Variants in MTA3 observed in about 807,000 individuals in gnomAD.
MTA3 encodes metastasis-associated protein MTA3.
MTA3 carries 34 observed loss-of-function variants against 83.5 expected under a neutral mutation model. That is an observed-to-expected ratio of 0.41 (90% CI 0.31 to 0.54). MTA3 has a LOEUF of 0.54. Ranked by LOEUF, MTA3 falls within the 20% of genes least tolerant of loss-of-function variation. The pLI, the probability that MTA3 is intolerant of heterozygous loss-of-function variation, is 0.33. For missense variants in MTA3, 761 were observed against 726.4 expected (o/e 1.05, Z -0.55); for synonymous variants, 303 against 252.7 (o/e 1.20, Z -1.89).
chr2:42,693,094 C>G (rs991073506), intron 9 of MTA3, among the ~76,000 whole-genome samples: 25 of 152,210 alleles, frequency 1.6e-4, no homozygotes, highest in African/African-American at 5.8e-4. Context: ...CTCCCTCTCC[C>G]TCTCCCTCTT....
At chr2:42,656,443 A>G (rs766756632) in intron 7 of MTA3, 141 bp downstream of exon 7, 2 of 448,434 alleles carry the variant, frequency 4.5e-6, no homozygotes, top group African/African-American at 2.0e-5. Flanking sequence ...AAAGCTTAAT[A>G]CGTTATGCTG....
intron 2 of MTA3, among the ~76,000 whole-genome samples, chr2:42,499,157 C>T (rs946561258): frequency 2.2e-4 from 34 of 151,732 alleles, no homozygotes; most frequent in African/African-American, 7.7e-4. Context: ...TAAGCATTTG[C>T]TAAGAGGGTA....
intron 15 of MTA3, among the ~76,000 whole-genome samples, chr2:42,722,619 C>A (rs1170163552): frequency 1.3e-5 from 2 of 152,080 alleles, no homozygotes; most frequent in Non-Finnish European, 2.9e-5. Flanking sequence ...TTGTATGTGA[C>A]CTTCTGAAGT....
intron 16 of MTA3, among the ~76,000 whole-genome samples, chr2:42,736,565 G>C (rs1668628344): frequency 6.6e-6 from 1 of 152,178 alleles, no homozygotes; most frequent in African/African-American, 2.4e-5. Flanking sequence ...TGCCAACTGG[G>C]AGCCAGGGCC....
chr2:42,528,264 A>G (rs1257159447), intron 2 of MTA3, among the ~76,000 whole-genome samples: 1 of 143,572 alleles, frequency 7.0e-6, no homozygotes, highest in Non-Finnish European at 1.5e-5. Flanking sequence ...TCTGTTGCCC[A>G]GGGTGGAGTG....
At chr2:42,590,800 T>C (rs960179178) in intron 3 of MTA3, among the ~76,000 whole-genome samples, 1 of 151,988 alleles carries the variant, frequency 6.6e-6, no homozygotes, top group Non-Finnish European at 1.5e-5. Flanking sequence ...TTTGTATTCT[T>C]AGTAGAGGCA....
At chr2:42,596,978 C>T (rs1004356984) in intron 3 of MTA3, among the ~76,000 whole-genome samples, 1 of 151,808 alleles carries the variant, frequency 6.6e-6, no homozygotes, top group Non-Finnish European at 1.5e-5. Context: ...GATCTTGGCT[C>T]ACTGCAACCT....
upstream of MTA3, chr2:42,494,182 C>G (rs924409688): frequency 6.6e-6 from 1 of 152,162 alleles, no homozygotes; most frequent in Non-Finnish European, 1.5e-5. Flanking sequence ...TCGGGCTCCC[C>G]GCCTCGTGAC....
chr2:42,751,397 A>T (rs1669861554), intron 16 of MTA3, among the ~76,000 whole-genome samples: 1 of 152,244 alleles, frequency 6.6e-6, no homozygotes. Context: ...CTGAGAATTG[A>T]TGTAGACATT....
chr2:42,513,983 G>A (rs1675019278), intron 2 of MTA3, among the ~76,000 whole-genome samples: 1 of 152,164 alleles, frequency 6.6e-6, no homozygotes, highest in Non-Finnish European at 1.5e-5. Flanking sequence ...GGAGGCCAAG[G>A]TGAATGGATC....
At chr2:42,692,758 C>A (rs1353815620) in intron 9 of MTA3, among the ~76,000 whole-genome samples, 1 of 152,192 alleles carries the variant, frequency 6.6e-6, no homozygotes, top group African/African-American at 2.4e-5. Flanking sequence ...TGAAAGGTCA[C>A]ATGTCTCTGT....
At chr2:42,743,640 G>A (rs1669197429) in intron 16 of MTA3, among the ~76,000 whole-genome samples, 1 of 152,178 alleles carries the variant, frequency 6.6e-6, no homozygotes, top group Admixed American at 6.5e-5. Context: ...CTCCTATGAA[G>A]AGGGTATCTA....
In MTA3 at chr2:42,665,008, A is replaced by G. The variant is rs1242230956; in HGVS notation, c.702+5146A>G. Among the ~76,000 whole-genome samples the G allele has an allele frequency of 3.3e-5, 5 of 152,358 alleles. 1 individual carries two copies. In the South Asian group the frequency reaches 6.2e-4, roughly 19 times the overall value. On this transcript the variant is annotated intron_variant, in intron 8 of 16. Transcript: ENST00000405094. The stretch of plus-strand genomic sequence containing the variant: ...TTCAAACACTGCTAATCTAAAATAT[A>G]TAAGATTCATAATTGTTAAAAAACA...
chr2:42,516,726 A>G (rs1241743586), intron 2 of MTA3, among the ~76,000 whole-genome samples: 1 of 152,226 alleles, frequency 6.6e-6, no homozygotes, highest in Non-Finnish European at 1.5e-5. Context: ...AAGTCAATGA[A>G]TATTAAAGTA....
At chr2:42,752,850 T>G (rs1322378128) in intron 16 of MTA3, among the ~76,000 whole-genome samples, 1 of 151,978 alleles carries the variant, frequency 6.6e-6, no homozygotes, top group Non-Finnish European at 1.5e-5. Context: ...GATCTTTCCG[T>G]CCTTCAGTAT....
intron 4 of MTA3, among the ~76,000 whole-genome samples, chr2:42,620,029 C>G (rs191213174): frequency 6.6e-6 from 1 of 151,956 alleles, no homozygotes; most frequent in Non-Finnish European, 1.5e-5. Flanking sequence ...CATATAACAT[C>G]AGATTAACCA....
rs150206117 is a variant in MTA3, at chr2:42,671,864, A to C, written c.703-10537A>C. ...CCTGGGCCTTACTGACTCTGGCAACATCAAGGTCTGATGCTTGTCACATCA... is the reference window on the plus strand; with the variant it reads ...CCTGGGCCTTACTGACTCTGGCAACCTCAAGGTCTGATGCTTGTCACATCA... On this transcript the variant is annotated intron_variant, in intron 8 of 16. Coordinates refer to ENST00000405094, the MANE Select transcript of MTA3 (RefSeq NM_001330442.2). Among the ~76,000 whole-genome samples, 223 of 152,328 alleles carry C rather than the reference A, an allele frequency of 1.5e-3. 4 individuals are homozygous for C. The highest frequency in any genetic ancestry group is 0.013 in the Admixed American group (203 of 15,286).
chr2:42,501,045 C>T (rs1441872848), intron 2 of MTA3, among the ~76,000 whole-genome samples: 1 of 152,108 alleles, frequency 6.6e-6, no homozygotes, highest in African/African-American at 2.4e-5. Context: ...CTCCTGACCT[C>T]ATGACCTGCC....
chr2:42,689,833 C>G (rs1245464340), intron 9 of MTA3, among the ~76,000 whole-genome samples: 1 of 48,322 alleles, frequency 2.1e-5, no homozygotes, highest in Admixed American at 2.4e-4. Flanking sequence ...TGTTGTTGAA[C>G]TTTGCAAAAA....
Sources: gnomAD v4.1 joint callset for allele counts (sites outside exome capture counted in the v4.1 genomes callset) on GRCh38, gnomAD v4.1.1 for gene constraint, MANE v1.5 for transcripts, NCBI Gene and HGNC (gene_info 2026-07-23, HGNC 2026-07-21) for gene names.